RAP1B: variants seen among roughly 807,000 people sequenced by gnomAD.
The protein encoded by RAP1B is ras-related protein Rap-1b.
In RAP1B, 1 loss-of-function variant was observed where a neutral mutation model predicts 27.5. The observed-to-expected ratio is 0.04, with a 90% confidence interval of 0.01 to 0.17. RAP1B has a LOEUF of 0.17. Ranked by LOEUF, RAP1B falls within the 10% of genes least tolerant of loss-of-function variation. The pLI is 1.00. For synonymous variants in RAP1B, 75 were observed against 73.1 expected, an observed-to-expected ratio of 1.03 and a Z score of -0.13; for missense variants, 84 against 214.8, an observed-to-expected ratio of 0.39 and a Z score of 3.81.
chr12:68,634,801 G>T (rs1257543168), intron 1 of RAP1B, among the ~76,000 whole-genome samples: 1 of 152,152 alleles, frequency 6.6e-6, no homozygotes, highest in Non-Finnish European at 1.5e-5. Flanking sequence ...AGCTGGAAAA[G>T]CTAACCTTAC....
In RAP1B at chr12:68,652,977, A is replaced by G. The variant is rs552867499; in HGVS notation, c.183+926A>G. On this transcript the variant is annotated intron_variant, in intron 4 of 7. Coordinates refer to ENST00000250559, the MANE Select transcript of RAP1B (RefSeq NM_001010942.3). ...GTAATCCCAGCACTTTGGGAGGTCAAAGGGGGGTGGATCACCTGAGGTCAG... is the reference window on the plus strand; with the variant it reads ...GTAATCCCAGCACTTTGGGAGGTCAGAGGGGGGTGGATCACCTGAGGTCAG... Among the ~76,000 whole-genome samples the G allele has an allele frequency of 1.4e-3, 216 of 152,264 alleles. 2 individuals are homozygous for G. The highest frequency in any genetic ancestry group is 1.6e-3 in the Non-Finnish European group (111 of 68,008).
At chr12:68,626,495 CT>C (rs1871791551) in intron 1 of RAP1B, among the ~76,000 whole-genome samples, 1 of 152,160 alleles carries the variant, frequency 6.6e-6, no homozygotes, top group South Asian at 2.1e-4. Context: ...TGGATAACCT[CT>C]TTCCCCCCAG....
rs549794675 is a variant in RAP1B at position 68,669,935 on chromosome 12, C to CTTTT, written c.*10703_*10706dup. ...GACAAAAATATATTTCTTTTTCTTT[C>CTTTT]TTTTTTTTTTTTTTTTTTTTGAGAC... On this transcript the variant is annotated 3_prime_UTR_variant, in exon 8 of 8. Transcript: ENST00000250559. The CTTTT allele has an allele frequency of 4.4e-3, 464 of 105,310 alleles. 9 individuals carry two copies. The highest frequency in any genetic ancestry group is 7.3e-3 in the African/African-American group (203 of 27,822). 6.5% of individuals were successfully genotyped at this position (105,310 alleles called of 1,614,324 possible).
At chr12:68,653,126 T>C (rs1873934977) in intron 4 of RAP1B, among the ~76,000 whole-genome samples, 1 of 152,174 alleles carries the variant, frequency 6.6e-6, no homozygotes, top group African/African-American at 2.4e-5. Flanking sequence ...GGAGAATCGC[T>C]TGAACCCTGG....
At chr12:68,656,506 A>G (rs773534996) in intron 6 of RAP1B, 57 bp downstream of exon 6, 600 of 1,532,512 alleles carry the variant, frequency 3.9e-4, no homozygotes, top group Non-Finnish European at 5.2e-4. Context: ...TTGAAGATGA[A>G]TGGAAAATGT....
intron 1 of RAP1B, among the ~76,000 whole-genome samples, chr12:68,644,622 T>C (rs559241010): frequency 6.7e-6 from 1 of 150,344 alleles, no homozygotes; most frequent in Non-Finnish European, 1.5e-5. Flanking sequence ...ACTGAAGGAA[T>C]AGCAGTCCTC....
intron 1 of RAP1B, among the ~76,000 whole-genome samples, chr12:68,633,290 C>CT (rs1872396212): frequency 6.6e-6 from 1 of 152,166 alleles, no homozygotes; most frequent in Admixed American, 6.6e-5. Context: ...CCTCACTTTC[C>CT]AAGTGAACTC....
At chr12:68,648,520 C>G (rs1873582818) in intron 1 of RAP1B, 179 bp from the exon 2 acceptor site, 2 of 568,890 alleles carry the variant, frequency 3.5e-6, no homozygotes, top group Non-Finnish European at 6.1e-6. Flanking sequence ...GTCTGTAATT[C>G]TGTAGTTTTC....
intron 1 of RAP1B, among the ~76,000 whole-genome samples, chr12:68,614,380 C>T (rs1272017810): frequency 6.6e-6 from 1 of 152,130 alleles, no homozygotes; most frequent in Non-Finnish European, 1.5e-5. Context: ...AACTGTGTTT[C>T]TCTGTATGTT....
At chr12:68,641,850 G>C (rs1367551799) in intron 1 of RAP1B, among the ~76,000 whole-genome samples, 3 of 151,088 alleles carry the variant, frequency 2.0e-5, no homozygotes, top group African/African-American at 7.3e-5. Context: ...TTAGTATTTT[G>C]ATAGCTTTCT....
At chr12:68,634,264 T>C (rs1872475708) in intron 1 of RAP1B, among the ~76,000 whole-genome samples, 1 of 152,256 alleles carries the variant, frequency 6.6e-6, no homozygotes, top group African/African-American at 2.4e-5. Flanking sequence ...GGGTAAGTTA[T>C]TTCATTTGAA....
At chr12:68,641,308 CCTT>C (rs1781880974) in intron 1 of RAP1B, among the ~76,000 whole-genome samples, 3 of 152,210 alleles carry the variant, frequency 2.0e-5, no homozygotes. Context: ...GCCACCACCC[CCTT>C]CTTCCACTTT....
At chr12:68,626,761 A>T in intron 1 of RAP1B, 5 of 1,120,632 alleles carry the variant, frequency 4.5e-6, no homozygotes, top group Non-Finnish European at 6.3e-6. Context: ...GTAGTATCAG[A>T]ATTTTCCAGG....
At chr12:68,614,907 A>G (rs1203360935) in intron 1 of RAP1B, among the ~76,000 whole-genome samples, 1 of 152,248 alleles carries the variant, frequency 6.6e-6, no homozygotes, top group Non-Finnish European at 1.5e-5. Flanking sequence ...AGCAGTAGCT[A>G]CAAAGAATAG....
In RAP1B at chr12:68,661,716, G is replaced by A. The variant is rs1244390052; in HGVS notation, c.*2467G>A. On this transcript the variant is annotated 3_prime_UTR_variant, in exon 8 of 8. Coordinates refer to ENST00000250559, the MANE Select transcript of RAP1B (RefSeq NM_001010942.3). ...ATGTTCCCCAGTTGGATTGTTGGGG[G>A]ACAAGGGAGGTGAACTTGGAGGGCA... The A allele has an allele frequency of 6.6e-6, 1 of 152,050 alleles. No individual in the cohort carries two copies. Among genetic ancestry groups the A allele is most frequent in the Non-Finnish European group, 1.5e-5 (1 of 68,034 alleles). The allele number at this position is 152,050 out of a possible 1,614,324, so 9.4% of individuals were successfully genotyped here. A position where few individuals can be genotyped will look rare whatever the true frequency, so the allele number is the denominator to read the frequency against.
At chr12:68,638,822 G>A (rs557556685) in intron 1 of RAP1B, among the ~76,000 whole-genome samples, 2 of 152,034 alleles carry the variant, frequency 1.3e-5, no homozygotes, top group East Asian at 1.9e-4. Context: ...CACCAAACCC[G>A]ACTGATTTTT....
chr12:68,648,613 T>C (rs1352746996), intron 1 of RAP1B, 86 bp from the exon 2 acceptor site: 3 of 1,084,886 alleles, frequency 2.8e-6, no homozygotes, highest in Admixed American at 2.3e-5. Flanking sequence ...TAAATAAATC[T>C]ATTTTCCTGA....
intron 1 of RAP1B, chr12:68,627,274 A>G: frequency 1.1e-6 from 1 of 911,242 alleles, no homozygotes; most frequent in Non-Finnish European, 1.8e-6. Flanking sequence ...ATACAATACA[A>G]CACACAGGCT....
Position 68,659,343 on chromosome 12 carries a change from T to A in RAP1B, c.*94T>A, listed in dbSNP as rs1874469321. On this transcript the variant is annotated 3_prime_UTR_variant, in exon 8 of 8. Transcript: ENST00000250559. ...TCCAACTTTGTTAAACCTACCAACATCTTAAATGGACTTTCCTGTGGTGGT... is the reference window on the plus strand; with the variant it reads ...TCCAACTTTGTTAAACCTACCAACAACTTAAATGGACTTTCCTGTGGTGGT... The A allele has an allele frequency of 2.2e-6, 1 of 454,582 alleles. No homozygotes were observed. The highest frequency in any genetic ancestry group is 4.4e-6 in the Non-Finnish European group (1 of 226,358). The allele number at this position is 454,582 out of a possible 1,614,324, so 28.2% of individuals were successfully genotyped here. A position where few individuals can be genotyped will look rare whatever the true frequency, so the allele number is the denominator to read the frequency against.
Sources: gnomAD v4.1 joint callset for allele counts (sites outside exome capture counted in the v4.1 genomes callset) on GRCh38, gnomAD v4.1.1 for gene constraint, MANE v1.5 for transcripts, NCBI Gene and HGNC (gene_info 2026-07-23, HGNC 2026-07-21) for gene names.